Variants in HS6ST3 observed in about 807,000 individuals in gnomAD.
The protein encoded by HS6ST3 is heparan-sulfate 6-O-sulfotransferase 3.
HS6ST3 carries 12 observed loss-of-function variants against 36.7 expected under a neutral mutation model. The ratio of observed to expected loss-of-function variants is 0.33; its 90% CI spans 0.21 to 0.53. The LOEUF is 0.53. Ranked by LOEUF, HS6ST3 falls within the 20% of genes least tolerant of loss-of-function variation. The pLI is 0.95. For missense variants in HS6ST3, 584 were observed against 640.9 expected, an observed-to-expected ratio of 0.91 and a Z score of 0.96; for synonymous variants, 240 against 257.5, an observed-to-expected ratio of 0.93 and a Z score of 0.65.
intron 1 of HS6ST3, among the ~76,000 whole-genome samples, chr13:96,400,922 A>G (rs369433172): frequency 9.9e-5 from 15 of 152,250 alleles, no homozygotes; most frequent in African/African-American, 2.9e-4. Flanking sequence ...TTTTTAATAT[A>G]AGGGAGATAG....
chr13:96,829,678 G>A (rs776049952), intron 1 of HS6ST3, among the ~76,000 whole-genome samples: 6 of 152,128 alleles, frequency 3.9e-5, no homozygotes, highest in Non-Finnish European at 7.4e-5. Context: ...TTTTATGGAT[G>A]CATAGTATTC....
At chr13:96,803,160 G>T (rs1878121459) in intron 1 of HS6ST3, among the ~76,000 whole-genome samples, 1 of 150,636 alleles carries the variant, frequency 6.6e-6, no homozygotes, top group South Asian at 2.1e-4. Context: ...CATTCCCCCA[G>T]TGGAGGCTGG....
At chr13:96,808,019 G>A (rs1339774948) in intron 1 of HS6ST3, among the ~76,000 whole-genome samples, 2 of 152,098 alleles carry the variant, frequency 1.3e-5, no homozygotes, top group African/African-American at 4.8e-5. Flanking sequence ...CTTGTCTCAG[G>A]GGACATCAGA....
At chr13:96,407,074 G>A (rs139447996) in intron 1 of HS6ST3, among the ~76,000 whole-genome samples, 2 of 152,098 alleles carry the variant, frequency 1.3e-5, no homozygotes, top group African/African-American at 4.8e-5. Flanking sequence ...TCATTTTACG[G>A]GATTTGACTT....
intron 1 of HS6ST3, among the ~76,000 whole-genome samples, chr13:96,806,428 A>C (rs970978756): frequency 2.0e-5 from 3 of 152,220 alleles, no homozygotes; most frequent in Admixed American, 2.0e-4. Flanking sequence ...GCACAGTAGA[A>C]CCATGATAGG....
chr13:96,336,077 G>T (rs1264900839), intron 1 of HS6ST3, among the ~76,000 whole-genome samples: 1 of 152,064 alleles, frequency 6.6e-6, no homozygotes, highest in Non-Finnish European at 1.5e-5. Flanking sequence ...AATTGGAAAT[G>T]ATATATAGAG....
intron 1 of HS6ST3, among the ~76,000 whole-genome samples, chr13:96,249,900 C>T (rs1927805): frequency 0.57 from 87,123 of 151,858 alleles, 25,257 homozygotes; most frequent in Admixed American, 0.67. Flanking sequence ...GTCAAATTCC[C>T]AGAGACAAAA....
intron 1 of HS6ST3, among the ~76,000 whole-genome samples, chr13:96,181,906 T>G (rs1325676740): frequency 1.3e-5 from 2 of 152,228 alleles, no homozygotes; most frequent in Non-Finnish European, 2.9e-5. Flanking sequence ...ACTTGATGAT[T>G]TTTACGCAGT....
intron 1 of HS6ST3, among the ~76,000 whole-genome samples, chr13:96,780,029 T>A (rs114214169): frequency 1.2e-3 from 185 of 152,052 alleles, no homozygotes; most frequent in African/African-American, 3.9e-3. Context: ...GAAAGCAGAG[T>A]GAGCAGAGGG....
intron 1 of HS6ST3, among the ~76,000 whole-genome samples, chr13:96,659,227 T>C (rs1213659389): frequency 6.6e-6 from 1 of 152,184 alleles, no homozygotes; most frequent in Non-Finnish European, 1.5e-5. Context: ...GAGAATGTAG[T>C]GGTTTGGGGT....
intron 1 of HS6ST3, among the ~76,000 whole-genome samples, chr13:96,651,996 TTA>T: frequency 6.6e-6 from 1 of 152,196 alleles, no homozygotes; most frequent in East Asian, 1.9e-4. Context: ...ATAAAGAGTA[TTA>T]ATACCTGATA....
At chr13:96,520,335 C>CA (rs1555309632) in intron 1 of HS6ST3, among the ~76,000 whole-genome samples, 2 of 151,992 alleles carry the variant, frequency 1.3e-5, no homozygotes, top group African/African-American at 4.8e-5. Context: ...CTTGGCTATG[C>CA]GGGCTCTGTT....
intron 1 of HS6ST3, among the ~76,000 whole-genome samples, chr13:96,767,072 A>G (rs1474038954): frequency 1.3e-5 from 2 of 152,194 alleles, no homozygotes; most frequent in Non-Finnish European, 2.9e-5. Flanking sequence ...TTAATGAATA[A>G]CTGTTAACTG....
intron 1 of HS6ST3, among the ~76,000 whole-genome samples, chr13:96,514,607 G>A (rs1030966688): frequency 3.9e-5 from 6 of 152,122 alleles, no homozygotes; most frequent in African/African-American, 1.4e-4. Context: ...GGCGGCTGCC[G>A]ACACGCCAAG....
chr13:96,396,096 T>C (rs1473475098), intron 1 of HS6ST3, among the ~76,000 whole-genome samples: 4 of 151,974 alleles, frequency 2.6e-5, no homozygotes, highest in African/African-American at 9.7e-5. Flanking sequence ...GGCGGATCAC[T>C]TGAGGTGAGG....
rs2055420095 is a variant in HS6ST3 at position 96,396,125 on chromosome 13, C to T, written c.707+304556C>T. 2.6e-5 allele frequency among the ~76,000 whole-genome samples: 4 copies of T among 152,008 alleles called. No homozygotes were observed. The South Asian group carries it at 8.3e-4, about 32-fold the overall frequency. On this transcript the variant is annotated intron_variant, in intron 1 of 1. Coordinates refer to ENST00000376705, the MANE Select transcript of HS6ST3 (RefSeq NM_153456.4). ...GGTGAGGAGTTCAAGACGAGCCTGG[C>T]CAACATGGAGAAACCCTGTCTCTAC...
rs559732649 is a variant in HS6ST3, at chr13:96,239,302, A to G, written c.707+147733A>G. Among the ~76,000 whole-genome samples, 11 of 152,332 alleles carry G rather than the reference A, an allele frequency of 7.2e-5. No homozygotes were observed. In the South Asian group the frequency reaches 2.1e-3, roughly 29 times the overall value. ...TTAATTATTTACATGACAGATGCTTATTGATTATCTAAGAATTCCCTGAAT... is the reference window on the plus strand; with the variant it reads ...TTAATTATTTACATGACAGATGCTTGTTGATTATCTAAGAATTCCCTGAAT... On this transcript the variant is annotated intron_variant, in intron 1 of 1. Coordinates refer to ENST00000376705, the MANE Select transcript of HS6ST3 (RefSeq NM_153456.4).
chr13:96,378,745 G>A (rs183081355), intron 1 of HS6ST3, among the ~76,000 whole-genome samples: 4 of 152,216 alleles, frequency 2.6e-5, no homozygotes, highest in Non-Finnish European at 4.4e-5. Flanking sequence ...CTCATTTGCC[G>A]AAAGGAGTTG....
intron 1 of HS6ST3, among the ~76,000 whole-genome samples, chr13:96,199,748 A>G (rs1169803777): frequency 6.6e-6 from 1 of 152,218 alleles, no homozygotes; most frequent in Non-Finnish European, 1.5e-5. Flanking sequence ...TAGGCCTACC[A>G]AGAAACAACC....
Sources: allele counts gnomAD v4.1 joint callset (sites outside exome capture counted in the v4.1 genomes callset), GRCh38; gene constraint gnomAD v4.1.1; transcripts MANE v1.5; gene names NCBI Gene and HGNC (gene_info 2026-07-23, HGNC 2026-07-21).